RGS7BP: variants seen among roughly 807,000 people sequenced by gnomAD.
RGS7BP encodes regulator of G protein signaling 7 binding protein.
Under a neutral mutation model 31.3 loss-of-function variants are expected in RGS7BP, and 9 were observed. The ratio of observed to expected loss-of-function variants is 0.29; its 90% CI spans 0.17 to 0.50. The LOEUF (loss-of-function observed/expected upper bound fraction) is 0.50. Ranked by LOEUF, RGS7BP falls within the 20% of genes least tolerant of loss-of-function variation. The pLI is 0.98. For synonymous variants in RGS7BP, 115 were observed against 120.1 expected (o/e 0.96, Z 0.28); for missense variants, 274 against 322.0 (o/e 0.85, Z 1.14).
chr5:64,585,442 G>C (rs936524649), intron 3 of RGS7BP, among the ~76,000 whole-genome samples: 1 of 151,988 alleles, frequency 6.6e-6, no homozygotes, highest in African/African-American at 2.4e-5. Flanking sequence ...AGGAATGGAA[G>C]GGGCAAAGAA....
intron 2 of RGS7BP, among the ~76,000 whole-genome samples, chr5:64,520,140 T>C (rs1749070951): frequency 6.6e-6 from 1 of 152,224 alleles, no homozygotes; most frequent in African/African-American, 2.4e-5. Context: ...AGATATCTGG[T>C]CAAGATGTTT....
At chr5:64,525,261 C>A (rs1386278145) in intron 2 of RGS7BP, among the ~76,000 whole-genome samples, 1 of 152,130 alleles carries the variant, frequency 6.6e-6, no homozygotes, top group African/African-American at 2.4e-5. Flanking sequence ...GGGAGGTGTT[C>A]TTAATGTAGG....
rs1021252161 is a variant in RGS7BP, at chr5:64,526,903, A to G, written c.332+19026A>G. ...TGAGATACTCAAGCTGCAGCTCCTC[A>G]TTTGCTCTCCAGCCCTTCCCCTCTA... is the stretch of plus-strand genomic sequence containing the variant. On this transcript the variant is annotated intron_variant, in intron 2 of 5. Transcript: ENST00000334025. Among the ~76,000 whole-genome samples the G allele has an allele frequency of 1.6e-3, 239 of 152,130 alleles. 1 individual carries two copies. Among genetic ancestry groups the G allele is most frequent in the African/African-American group, 3.3e-3 (136 of 41,434 alleles).
At chr5:64,551,257 TTTTTA>T (rs1741787136) in intron 2 of RGS7BP, among the ~76,000 whole-genome samples, 2 of 150,830 alleles carry the variant, frequency 1.3e-5, no homozygotes, top group African/African-American at 4.9e-5. Flanking sequence ...TTTTATTTAT[TTTTTA>T]TTTTATTTTT....
rs972486187 is a variant in RGS7BP at position 64,506,511 on chromosome 5, T to C, written c.-114T>C. Reference sequence around the variant, plus strand: ...CGCAGCCAGCCCCAGCACTGTGAGCTGCGCGCCTCAGGTCCGGGCTCCGGC... The same window carrying C: ...CGCAGCCAGCCCCAGCACTGTGAGCCGCGCGCCTCAGGTCCGGGCTCCGGC... On this transcript the variant is annotated 5_prime_UTR_variant, in exon 1 of 6. Transcript: ENST00000334025. This position sits in a 1 kb window ranked among gnomAD's most constrained non-coding sequence, Gnocchi z 4.6. 9.1e-6 allele frequency: 8 copies of C among 877,462 alleles called. No homozygotes were observed. The highest frequency in any genetic ancestry group is 1.4e-5 in the Non-Finnish European group (8 of 579,456). 54.4% of individuals were successfully genotyped at this position (877,462 alleles called of 1,614,324 possible). A position where few individuals can be genotyped will look rare whatever the true frequency, so the allele number is the denominator to read the frequency against.
intron 2 of RGS7BP, among the ~76,000 whole-genome samples, chr5:64,542,511 G>A (rs1043450662): frequency 6.6e-6 from 1 of 152,106 alleles, no homozygotes; most frequent in African/African-American, 2.4e-5. Flanking sequence ...ATGTAGTCTA[G>A]ACAGATCAAG....
intron 2 of RGS7BP, among the ~76,000 whole-genome samples, chr5:64,539,009 T>A (rs1478609843): frequency 6.6e-6 from 1 of 152,228 alleles, no homozygotes; most frequent in Non-Finnish European, 1.5e-5. Context: ...CACTCTCAGT[T>A]GTTTCCAGTT....
At chr5:64,518,545 G>A (rs1749032283) in intron 2 of RGS7BP, among the ~76,000 whole-genome samples, 1 of 152,178 alleles carries the variant, frequency 6.6e-6, no homozygotes, top group Admixed American at 6.5e-5. Context: ...CATTTGAACT[G>A]AATATCTGAC....
chr5:64,582,422 T>A (rs142504174), intron 3 of RGS7BP, among the ~76,000 whole-genome samples: 69 of 152,332 alleles, frequency 4.5e-4, no homozygotes, highest in African/African-American at 1.7e-3. Context: ...CCCCTTCACA[T>A]GTGAACCTGC....
intron 2 of RGS7BP, among the ~76,000 whole-genome samples, chr5:64,536,998 G>A (rs2111797801): frequency 6.6e-6 from 1 of 152,310 alleles, no homozygotes; most frequent in South Asian, 2.1e-4. Context: ...GTATCTTCAA[G>A]TTTCTTCTAG....
intron 2 of RGS7BP, among the ~76,000 whole-genome samples, chr5:64,560,543 G>GTA (rs35400833): frequency 0.19 from 28,329 of 147,088 alleles, 3,053 homozygotes; most frequent in South Asian, 0.32. Context: ...TAATATCATT[G>GTA]TATATATATA....
intron 2 of RGS7BP, among the ~76,000 whole-genome samples, chr5:64,564,147 A>G (rs1431493781): frequency 6.6e-6 from 1 of 152,190 alleles, no homozygotes; most frequent in Non-Finnish European, 1.5e-5. Context: ...AAAAAACTTC[A>G]GTCATCTAGT....
chr5:64,568,397 C>T (rs929354118), intron 2 of RGS7BP, among the ~76,000 whole-genome samples: 1 of 152,014 alleles, frequency 6.6e-6, no homozygotes, highest in African/African-American at 2.4e-5. Context: ...AAGAGACTCT[C>T]AAGCCAAAAA....
chr5:64,517,964 G>A (rs892767932), intron 2 of RGS7BP, among the ~76,000 whole-genome samples: 37 of 152,086 alleles, frequency 2.4e-4, no homozygotes, highest in Non-Finnish European at 1.0e-4. Flanking sequence ...TCATCAAGGA[G>A]TTAAAATCTG....
At chr5:64,601,451 G>T (rs548707887) in intron 5 of RGS7BP, 10 of 983,982 alleles carry the variant, frequency 1.0e-5, no homozygotes, top group Non-Finnish European at 1.2e-5. Context: ...ACTTTCAGTG[G>T]AGAAGAAAGG....
intron 5 of RGS7BP, among the ~76,000 whole-genome samples, chr5:64,603,147 G>A (rs1436550932): frequency 6.6e-6 from 1 of 152,180 alleles, no homozygotes; most frequent in Non-Finnish European, 1.5e-5. Flanking sequence ...GGAGGCAGGT[G>A]CAGTCATCCA....
intron 2 of RGS7BP, among the ~76,000 whole-genome samples, chr5:64,548,927 T>TA (rs1291259104): frequency 6.6e-6 from 1 of 151,820 alleles, no homozygotes; most frequent in Non-Finnish European, 1.5e-5. Context: ...CATTGTGGGT[T>TA]AGGACTTCAA....
intron 2 of RGS7BP, among the ~76,000 whole-genome samples, chr5:64,516,773 G>A (rs1748987426): frequency 6.6e-6 from 1 of 152,126 alleles, no homozygotes; most frequent in African/African-American, 2.4e-5. Flanking sequence ...TACCTGCCTA[G>A]AATAGCGATT....
At chr5:64,568,721 T>TA (rs1189352559) in intron 2 of RGS7BP, among the ~76,000 whole-genome samples, 1 of 151,580 alleles carries the variant, frequency 6.6e-6, no homozygotes, top group Non-Finnish European at 1.5e-5. Flanking sequence ...TACAATTTAA[T>TA]AGTAGTATTT....
Sources: allele counts gnomAD v4.1 joint callset (sites outside exome capture counted in the v4.1 genomes callset), GRCh38; gene constraint gnomAD v4.1.1; non-coding constraint Gnocchi (gnomAD v3.1); transcripts MANE v1.5; gene names NCBI Gene and HGNC (gene_info 2026-07-23, HGNC 2026-07-21).